Variants in IL1RAPL2 observed in about 807,000 individuals in gnomAD.
The protein encoded by IL1RAPL2 is X-linked interleukin-1 receptor accessory protein-like 2.
IL1RAPL2 carries 3 observed loss-of-function variants against 44.1 expected under a neutral mutation model. The observed-to-expected ratio is 0.07, with a 90% CI of 0.03 to 0.18. The LOEUF (loss-of-function observed/expected upper bound fraction) is 0.18, where lower values mean the gene tolerates loss of function less well. IL1RAPL2 is among the 10% of genes least tolerant of loss of function. The pLI, the probability that IL1RAPL2 is intolerant of heterozygous loss-of-function variation, is 1.00. For synonymous variants in IL1RAPL2, 181 were observed against 178.8 expected, an observed-to-expected ratio of 1.01 and a Z score of -0.10; for missense variants, 391 against 496.4, an observed-to-expected ratio of 0.79 and a Z score of 2.02.
intron 2 of IL1RAPL2, among the ~76,000 whole-genome samples, chrX:104,891,196 C>G (rs1175726183): frequency 2.7e-5 from 3 of 111,898 alleles, no homozygotes; most frequent in South Asian, 3.7e-4. Context: ...GTTTTGGTTA[C>G]TGTAGACTTG....
intron 2 of IL1RAPL2, among the ~76,000 whole-genome samples, chrX:104,800,291 T>C (rs1046970239): frequency 9.0e-6 from 1 of 110,593 alleles, no homozygotes; most frequent in African/African-American, 3.3e-5. Flanking sequence ...CAGTGGGAGA[T>C]GATAATGAAA....
At chrX:105,116,940 C>T (rs924283092) in intron 2 of IL1RAPL2, among the ~76,000 whole-genome samples, 4 of 111,905 alleles carry the variant, frequency 3.6e-5, no homozygotes, top group Middle Eastern at 4.6e-3. Context: ...CAATATATTT[C>T]GGAAAGACTC....
At chrX:105,573,569 G>A (rs1364469495) in intron 6 of IL1RAPL2, among the ~76,000 whole-genome samples, 2 of 111,248 alleles carry the variant, frequency 1.8e-5, no homozygotes, top group Admixed American at 9.6e-5. Flanking sequence ...TTTTGTGAAC[G>A]GGTGAATGGA....
intron 6 of IL1RAPL2, among the ~76,000 whole-genome samples, chrX:105,648,572 G>C (rs1357106307): frequency 1.8e-5 from 2 of 111,490 alleles, no homozygotes; most frequent in African/African-American, 6.5e-5. Context: ...ACTTCACAAA[G>C]TGAAGTGCTT....
intron 6 of IL1RAPL2, among the ~76,000 whole-genome samples, chrX:105,489,775 T>C (rs868605755): frequency 1.5e-5 from 1 of 65,847 alleles, no homozygotes; most frequent in East Asian, 4.3e-4. Flanking sequence ...TTTCTTTCTT[T>C]TCTTTCTCTC....
At chrX:105,146,634 G>C (rs1056409685) in intron 2 of IL1RAPL2, among the ~76,000 whole-genome samples, 1 of 111,463 alleles carries the variant, frequency 9.0e-6, no homozygotes. Context: ...TATATTCACA[G>C]AGTTATCTTA....
intron 6 of IL1RAPL2, among the ~76,000 whole-genome samples, chrX:105,692,147 A>G (rs1255257215): frequency 8.9e-6 from 1 of 112,087 alleles, no homozygotes; most frequent in Non-Finnish European, 1.9e-5. Flanking sequence ...CCTCATAGAT[A>G]GTAGAGTTAA....
At chrX:104,762,421 A>G (rs1932477981) in intron 2 of IL1RAPL2, among the ~76,000 whole-genome samples, 1 of 111,951 alleles carries the variant, frequency 8.9e-6, no homozygotes, top group Non-Finnish European at 1.9e-5. Flanking sequence ...TTTGCAGGGT[A>G]CAGCCCCTCT....
intron 6 of IL1RAPL2, among the ~76,000 whole-genome samples, chrX:105,574,242 T>C (rs1461032957): frequency 8.9e-6 from 1 of 111,902 alleles, no homozygotes; most frequent in Non-Finnish European, 1.9e-5. Flanking sequence ...AGCTAATCTT[T>C]CAAGTAATAT....
intron 2 of IL1RAPL2, among the ~76,000 whole-genome samples, chrX:105,134,219 G>A (rs2033054873): frequency 8.9e-6 from 1 of 112,006 alleles, no homozygotes. Flanking sequence ...GATCAATTCA[G>A]TGAGCAAATT....
At chrX:105,655,517 A>T (rs2037671395) in intron 6 of IL1RAPL2, among the ~76,000 whole-genome samples, 1 of 110,245 alleles carries the variant, frequency 9.1e-6, no homozygotes, top group South Asian at 3.6e-4. Flanking sequence ...AAAATGTTAT[A>T]AACAGTCTTA....
chrX:105,291,865 G>A (rs1214563447), intron 5 of IL1RAPL2, among the ~76,000 whole-genome samples: 2 of 111,274 alleles, frequency 1.8e-5, no homozygotes, highest in East Asian at 2.8e-4. Flanking sequence ...ACAGGTCCAG[G>A]TACATATGGA....
At chrX:105,665,348 T>TAC (rs2037752336) in intron 6 of IL1RAPL2, among the ~76,000 whole-genome samples, 3 of 107,410 alleles carry the variant, frequency 2.8e-5, no homozygotes, top group African/African-American at 1.0e-4. Flanking sequence ...CGCGTGCGTG[T>TAC]GTGTGTGTGT....
chrX:104,613,770 C>A (rs2148005332), intron 1 of IL1RAPL2, among the ~76,000 whole-genome samples: 1 of 104,043 alleles, frequency 9.6e-6, no homozygotes, highest in East Asian at 3.0e-4. Context: ...GTATGCCTGG[C>A]AGAATTTGGA....
intron 2 of IL1RAPL2, among the ~76,000 whole-genome samples, chrX:105,053,418 C>T (rs979931634): frequency 1.2e-4 from 13 of 111,330 alleles, no homozygotes; most frequent in African/African-American, 4.3e-4. Context: ...CTATGGGTGT[C>T]ACTTACATTG....
At chrX:105,602,184 A>C (rs1338643043) in intron 6 of IL1RAPL2, among the ~76,000 whole-genome samples, 1 of 110,563 alleles carries the variant, frequency 9.0e-6, no homozygotes, top group Non-Finnish European at 1.9e-5. Context: ...CCAATAATTG[A>C]TCCTTCTGAC....
chrX:105,312,126 G>C (rs1430526030), intron 5 of IL1RAPL2, among the ~76,000 whole-genome samples: 1 of 111,552 alleles, frequency 9.0e-6, no homozygotes, highest in African/African-American at 3.3e-5. Context: ...TACCTGGGCA[G>C]AGTGTGAAAC....
chrX:104,693,512 CAG>C (rs1931129238), intron 2 of IL1RAPL2, among the ~76,000 whole-genome samples: 1 of 111,782 alleles, frequency 8.9e-6, no homozygotes, highest in South Asian at 3.8e-4. Flanking sequence ...GGCCAGTACT[CAG>C]GGGTTTGCTG....
intron 6 of IL1RAPL2, among the ~76,000 whole-genome samples, chrX:105,617,783 A>G (rs1369629547): frequency 9.0e-6 from 1 of 111,393 alleles, no homozygotes; most frequent in Non-Finnish European, 1.9e-5. Context: ...TAATAAATGC[A>G]GAGTTGCTGC....
Sources: allele counts gnomAD v4.1 joint callset (sites outside exome capture counted in the v4.1 genomes callset), GRCh38; gene constraint gnomAD v4.1.1; transcripts MANE v1.5; gene names NCBI Gene and HGNC (gene_info 2026-07-23, HGNC 2026-07-21).